The following UBE2E2 variants were observed in gnomAD, a reference collection of about 807,000 sequenced individuals.
UBE2E2 encodes the protein ubiquitin-conjugating enzyme E2 E2.
A neutral mutation model predicts 24.7 loss-of-function variants in UBE2E2; 6 were observed. The ratio of observed to expected loss-of-function variants is 0.24; its 90% CI spans 0.13 to 0.48. The LOEUF (loss-of-function observed/expected upper bound fraction) is 0.48. Ranked by LOEUF, UBE2E2 falls within the 20% of genes least tolerant of loss-of-function variation. The pLI is 0.99. For missense variants in UBE2E2, 169 were observed against 245.0 expected, an observed-to-expected ratio of 0.69 and a Z score of 2.07; for synonymous variants, 104 against 83.6, an observed-to-expected ratio of 1.24 and a Z score of -1.33.
Position 23,509,927 on chromosome 3 carries a change from A to G in UBE2E2, c.360+10187A>G, listed in dbSNP as rs149748076. Among the ~76,000 whole-genome samples the G allele has an allele frequency of 4.9e-4, 75 of 152,172 alleles. No homozygotes were observed. In the East Asian group the frequency reaches 5.8e-3, roughly 12 times the overall value. ...TGAACTCATCATTTTTTATGGCCGC[A>G]TAGTATTCCATGGTGTATATGTGCC... On this transcript the variant is annotated intron_variant, in intron 4 of 5. Coordinates refer to ENST00000396703, the MANE Select transcript of UBE2E2 (RefSeq NM_152653.4).
At chr3:23,573,111 A>G (rs1025446630) in intron 5 of UBE2E2, among the ~76,000 whole-genome samples, 2 of 152,224 alleles carry the variant, frequency 1.3e-5, no homozygotes, top group Admixed American at 6.5e-5. Context: ...CTATAAAGCT[A>G]TAGTGATACA....
intron 5 of UBE2E2, among the ~76,000 whole-genome samples, chr3:23,573,824 G>C (rs1696280373): frequency 6.6e-6 from 1 of 152,104 alleles, no homozygotes; most frequent in Admixed American, 6.6e-5. Context: ...ACTATTCATG[G>C]AGATTGTGCT....
chr3:23,378,985 C>A (rs1696595011), intron 3 of UBE2E2, among the ~76,000 whole-genome samples: 1 of 152,116 alleles, frequency 6.6e-6, no homozygotes, highest in African/African-American at 2.4e-5. Context: ...TGTGCAACCC[C>A]TATGTTGTGA....
chr3:23,589,888 G>T lies in UBE2E2; in HGVS notation c.*57G>T. 1 of 1,555,372 alleles carries T rather than the reference G, an allele frequency of 6.4e-7. No homozygotes were observed. The highest frequency in any genetic ancestry group is 1.4e-5 in the African/African-American group (1 of 73,832). ...TGCAAGCACATTCACCAAGTGCATC[G>T]GTAGCCCTGCCCACCCCTCCAGACC... On this transcript the variant is annotated 3_prime_UTR_variant, in exon 6 of 6. Transcript: ENST00000396703. This position sits in a 1 kb window ranked among gnomAD's most constrained non-coding sequence, Gnocchi z 4.1.
intron 3 of UBE2E2, among the ~76,000 whole-genome samples, chr3:23,443,797 G>A (rs1698359920): frequency 6.6e-6 from 1 of 152,130 alleles, no homozygotes; most frequent in Non-Finnish European, 1.5e-5. Context: ...GATCCATTCA[G>A]GCTCTACATT....
rs1046479676 is a variant in UBE2E2 at position 23,391,453 on chromosome 3, A to G, written c.228-108155A>G. Among the ~76,000 whole-genome samples, 8 of 152,334 alleles carry G rather than the reference A, an allele frequency of 5.3e-5. No individual in the cohort carries two copies. In the South Asian group the frequency reaches 1.2e-3, roughly 24 times the overall value. ...GTTGGGCATCTACTATATGCTGGAT[A>G]CAGGCATGATGCAAACATTTAAAAA... is the stretch of plus-strand genomic sequence containing the variant. On this transcript the variant is annotated intron_variant, in intron 3 of 5. Coordinates refer to ENST00000396703, the MANE Select transcript of UBE2E2 (RefSeq NM_152653.4).
At chr3:23,385,086 A>G (rs926835868) in intron 3 of UBE2E2, among the ~76,000 whole-genome samples, 1 of 152,160 alleles carries the variant, frequency 6.6e-6, no homozygotes, top group Non-Finnish European at 1.5e-5. Context: ...GCACACTACC[A>G]CACCTGGCCA....
Position 23,554,762 on chromosome 3 carries a change from G to C in UBE2E2, c.508+22061G>C, listed in dbSNP as rs149797134. On this transcript the variant is annotated intron_variant, in intron 5 of 5. Coordinates refer to ENST00000396703, the MANE Select transcript of UBE2E2 (RefSeq NM_152653.4). ...ACTGCAAAACTTCTCCACAGCAAAA[G>C]AAACAACAAAATGGAAAAGGACAAC... 3.2e-3 allele frequency among the ~76,000 whole-genome samples: 481 copies of C among 151,892 alleles called. 9 individuals carry two copies. The highest frequency in any genetic ancestry group is 0.015 in the East Asian group (79 of 5,178).
chr3:23,297,550 C>G (rs1698946841), intron 3 of UBE2E2, among the ~76,000 whole-genome samples: 1 of 152,148 alleles, frequency 6.6e-6, no homozygotes, highest in African/African-American at 2.4e-5. Flanking sequence ...TTCCCAGCAC[C>G]ATTTATTAAA....
intron 4 of UBE2E2, among the ~76,000 whole-genome samples, chr3:23,516,952 A>G (rs987527050): frequency 6.6e-6 from 1 of 152,158 alleles, no homozygotes; most frequent in Non-Finnish European, 1.5e-5. Flanking sequence ...TTTTACTTCA[A>G]ACAAAACTAT....
At chr3:23,525,362 A>T (rs896453209) in intron 4 of UBE2E2, among the ~76,000 whole-genome samples, 1 of 152,216 alleles carries the variant, frequency 6.6e-6, no homozygotes, top group Non-Finnish European at 1.5e-5. Flanking sequence ...GTACCCACAC[A>T]TGCAGGTGTT....
intron 3 of UBE2E2, among the ~76,000 whole-genome samples, chr3:23,359,760 C>T (rs1369247273): frequency 6.6e-6 from 1 of 152,030 alleles, no homozygotes; most frequent in East Asian, 1.9e-4. Context: ...ATTATACTTG[C>T]ACCTTGAGGA....
chr3:23,447,730 C>A (rs1698467161), intron 3 of UBE2E2, among the ~76,000 whole-genome samples: 1 of 152,188 alleles, frequency 6.6e-6, no homozygotes, highest in Admixed American at 6.5e-5. Context: ...TATCAAGAGA[C>A]CCCTTTCAAG....
chr3:23,412,185 G>A (rs757424863), intron 3 of UBE2E2, among the ~76,000 whole-genome samples: 3 of 152,056 alleles, frequency 2.0e-5, no homozygotes, highest in Non-Finnish European at 2.9e-5. Flanking sequence ...AATAATTAAT[G>A]TATGTAAATG....
chr3:23,223,549 T>C (rs1328281871), intron 3 of UBE2E2, among the ~76,000 whole-genome samples: 1 of 152,152 alleles, frequency 6.6e-6, no homozygotes, highest in African/African-American at 2.4e-5. Context: ...GTTTGAACTC[T>C]TTACATATTC....
intron 3 of UBE2E2, among the ~76,000 whole-genome samples, chr3:23,249,582 A>G (rs1232519070): frequency 6.6e-6 from 1 of 152,224 alleles, no homozygotes; most frequent in Non-Finnish European, 1.5e-5. Context: ...TGACCTTGAA[A>G]ATAAATGTGT....
intron 5 of UBE2E2, among the ~76,000 whole-genome samples, chr3:23,567,859 A>G (rs903864027): frequency 1.3e-5 from 2 of 152,184 alleles, no homozygotes; most frequent in Admixed American, 1.3e-4. Context: ...ATAAAACTGA[A>G]AGAGACACTG....
At chr3:23,363,456 T>G (rs1357272410) in intron 3 of UBE2E2, among the ~76,000 whole-genome samples, 1 of 152,122 alleles carries the variant, frequency 6.6e-6, no homozygotes, top group Non-Finnish European at 1.5e-5. Context: ...GGAGAAAAAT[T>G]GCCCAAGCAA....
intron 3 of UBE2E2, among the ~76,000 whole-genome samples, chr3:23,295,095 A>G (rs1410952188): frequency 2.0e-5 from 3 of 152,006 alleles, no homozygotes; most frequent in Non-Finnish European, 4.4e-5. Flanking sequence ...TGTTATTGCT[A>G]TTTTCCATCT....
Sources: gnomAD v4.1 joint callset for allele counts (sites outside exome capture counted in the v4.1 genomes callset) on GRCh38, gnomAD v4.1.1 for gene constraint, Gnocchi (gnomAD v3.1) non-coding constraint, MANE v1.5 for transcripts, NCBI Gene and HGNC (gene_info 2026-07-23, HGNC 2026-07-21) for gene names.